DYNC1LI2: variants seen among roughly 807,000 people sequenced by gnomAD.
The protein encoded by DYNC1LI2 is cytoplasmic dynein 1 light intermediate chain 2.
In DYNC1LI2, 19 loss-of-function variants were observed where a neutral mutation model predicts 57.8. The observed-to-expected ratio is 0.33, with a 90% confidence interval of 0.23 to 0.48. The LOEUF is 0.48. Among genes scored for constraint, DYNC1LI2 ranks in the 20% least tolerant of loss-of-function variants. DYNC1LI2 has a pLI of 0.99. For missense variants in DYNC1LI2, 470 were observed against 604.2 expected (o/e 0.78, Z 2.33); for synonymous variants, 256 against 233.4 (o/e 1.10, Z -0.88).
chr16:66,736,027 C>G, intron 5 of DYNC1LI2, 48 bp downstream of exon 5: 1 of 1,584,460 alleles, frequency 6.3e-7, no homozygotes, highest in Non-Finnish European at 8.6e-7. Flanking sequence ...CAGATGGTGA[C>G]TGTTCACCAC....
intron 6 of DYNC1LI2, chr16:66,733,630 A>C (rs754022915): frequency 1.3e-5 from 2 of 152,624 alleles, no homozygotes; most frequent in Non-Finnish European, 2.9e-5. Context: ...GCTTGAACAT[A>C]GGAGGTGGAG....
rs1269697774 is a variant in DYNC1LI2, at chr16:66,725,961, A to AG, written c.1262-18dup. The stretch of plus-strand genomic sequence containing the variant: ...CTGCATTATCTAAGGAAAATTAAAG[A>AG]GAAAAAAAAGCATCATATAAACTGG... On this transcript the variant is annotated splice_polypyrimidine_tract_variant and intron_variant, in intron 11 of 12. Transcript: ENST00000258198. The AG allele has an allele frequency of 1.9e-6, 3 of 1,604,492 alleles. No homozygotes were observed. The highest frequency in any genetic ancestry group is 1.7e-6 in the Non-Finnish European group (2 of 1,177,234).
At position 66,721,528 on chromosome 16, in the gene DYNC1LI2, C is replaced by T. The variant is rs1339210312; in HGVS notation, c.*2194G>A. 6.6e-6 allele frequency: 1 copy of T among 152,552 alleles called. No individual in the cohort carries two copies. Among genetic ancestry groups the T allele is most frequent in the African/African-American group, 2.4e-5 (1 of 41,420 alleles). The allele number at this position is 152,552 out of a possible 1,614,324, so 9.4% of individuals were successfully genotyped here. On this transcript the variant is annotated 3_prime_UTR_variant, in exon 13 of 13. Transcript: ENST00000258198. ...AAAACCCCAAAATAACAAAACTCAT[C>T]TCCCTTCCTCCCACCTCCCAAAAAG...
chr16:66,750,440 A>G (rs2018023033), intron 2 of DYNC1LI2, among the ~76,000 whole-genome samples: 1 of 152,104 alleles, frequency 6.6e-6, no homozygotes, highest in African/African-American at 2.4e-5. Context: ...GCCACCAACC[A>G]CAAGGCGCTT....
intron 3 of DYNC1LI2, among the ~76,000 whole-genome samples, chr16:66,743,366 G>A (rs1015286179): frequency 2.6e-5 from 4 of 151,440 alleles, no homozygotes; most frequent in African/African-American, 4.9e-5. Flanking sequence ...GTTCAAGACC[G>A]GCCTGGCCAG....
At chr16:66,728,276 A>G (rs769932848) in intron 9 of DYNC1LI2, 34 bp from the exon 10 acceptor site, 7 of 1,613,348 alleles carry the variant, frequency 4.3e-6, no homozygotes, top group Admixed American at 3.3e-5. Flanking sequence ...CTATTAACCA[A>G]GGCCTGCAGA....
At position 66,736,059 on chromosome 16, in the gene DYNC1LI2, AC is replaced by A. The variant is rs765344228; in HGVS notation, c.699+15del. ...CCACCCGAACCCAGCCAAGCCAACA[AC>A]CCCCTGGCACACACCTTTGTGCACA... On this transcript the variant is annotated intron_variant, in intron 5 of 12. Coordinates refer to ENST00000258198, the MANE Select transcript of DYNC1LI2 (RefSeq NM_006141.3). 7 of 1,602,946 alleles carry A rather than the reference AC, an allele frequency of 4.4e-6. No individual in the cohort carries two copies. The highest frequency in any genetic ancestry group is 1.1e-5 in the South Asian group (1 of 90,694).
At chr16:66,743,589 G>A (rs1177615823) in intron 3 of DYNC1LI2, among the ~76,000 whole-genome samples, 1 of 145,696 alleles carries the variant, frequency 6.9e-6, no homozygotes, top group Non-Finnish European at 1.5e-5. Flanking sequence ...AAAAGGGTGA[G>A]AGTCTCTTAG....
chr16:66,721,325 TTC>T lies in DYNC1LI2; in HGVS notation c.*2395_*2396del, dbSNP rs1488772586. Reference sequence around the variant, plus strand: ...CAGCCACGTATTCAAAGGTGGGCTTTTCTCTGATTTTTTTTTTTATTTTAAAG... The same window carrying T: ...CAGCCACGTATTCAAAGGTGGGCTTTTCTGATTTTTTTTTTTATTTTAAAG... On this transcript the variant is annotated 3_prime_UTR_variant, in exon 13 of 13. Transcript: ENST00000258198. The T allele has an allele frequency of 6.6e-6, 1 of 152,624 alleles. No individual in the cohort carries two copies. The highest frequency in any genetic ancestry group is 2.4e-5 in the African/African-American group (1 of 41,462). The allele number at this position is 152,624 out of a possible 1,614,324, so 9.5% of individuals were successfully genotyped here.
chr16:66,733,439 G>C lies in DYNC1LI2; in HGVS notation c.793+779C>G, dbSNP rs536912348. On this transcript the variant is annotated intron_variant, in intron 6 of 12. Transcript: ENST00000258198. ...TCCAGATGGCCAGGCATGGTGGCTC[G>C]CGCCTGTAATCCCAGAACTTTGAGG... 2.0e-5 allele frequency: 3 copies of C among 151,946 alleles called. No homozygotes were observed. The East Asian group carries it at 5.8e-4, about 29-fold the overall frequency. 9.4% of individuals were successfully genotyped at this position (151,946 alleles called of 1,614,324 possible).
At chr16:66,742,348 G>C (rs1489095226) in intron 4 of DYNC1LI2, 90 bp downstream of exon 4, 11 of 1,319,626 alleles carry the variant, frequency 8.3e-6, no homozygotes, top group Non-Finnish European at 8.3e-6. Context: ...CGAAGCAAGG[G>C]AAGCCTCTAG....
intron 2 of DYNC1LI2, among the ~76,000 whole-genome samples, chr16:66,750,903 T>G (rs990607542): frequency 6.6e-6 from 1 of 152,152 alleles, no homozygotes; most frequent in African/African-American, 2.4e-5. Context: ...GCTCCCGTGG[T>G]CATTTCCCCA....
chr16:66,738,964 A>G (rs994310289), intron 4 of DYNC1LI2: 7 of 151,916 alleles, frequency 4.6e-5, no homozygotes, highest in African/African-American at 1.7e-4. Flanking sequence ...CAAATAATCT[A>G]GTCAAGTAAA....
At chr16:66,739,201 G>C (rs1314884788) in intron 4 of DYNC1LI2, 1 of 152,174 alleles carries the variant, frequency 6.6e-6, no homozygotes, top group African/African-American at 2.4e-5. Context: ...GAGCCTGGAA[G>C]GGCTCACAGG....
At chr16:66,739,797 TAA>T (rs1289427228) in intron 4 of DYNC1LI2, among the ~76,000 whole-genome samples, 1 of 152,340 alleles carries the variant, frequency 6.6e-6, no homozygotes, top group African/African-American at 2.4e-5. Context: ...AAGGCAGTAT[TAA>T]AAAGAGGAAG....
chr16:66,735,300 C>T (rs1052599775), intron 5 of DYNC1LI2, among the ~76,000 whole-genome samples: 1 of 151,718 alleles, frequency 6.6e-6, no homozygotes, highest in Non-Finnish European at 1.5e-5. Context: ...AGGGTTTCAC[C>T]ATGTCGGCCA....
chr16:66,732,524 T>G, intron 6 of DYNC1LI2, 50 bp from the exon 7 acceptor site: 1 of 1,581,798 alleles, frequency 6.3e-7, no homozygotes, highest in Non-Finnish European at 8.6e-7. Context: ...GGAGACAAAA[T>G]CGAACACATA....
intron 7 of DYNC1LI2, 137 bp downstream of exon 7, chr16:66,732,202 G>C: frequency 8.9e-7 from 1 of 1,120,978 alleles, no homozygotes; most frequent in African/African-American, 1.6e-5. Flanking sequence ...ATCCGGAAAG[G>C]AACAGAGAGA....
At chr16:66,737,679 A>G (rs1198710191) in intron 4 of DYNC1LI2, among the ~76,000 whole-genome samples, 1 of 152,180 alleles carries the variant, frequency 6.6e-6, no homozygotes, top group East Asian at 1.9e-4. Flanking sequence ...TCACTTGTGC[A>G]GTGTTCACGG....
Sources: gnomAD v4.1 joint callset for allele counts (sites outside exome capture counted in the v4.1 genomes callset) on GRCh38, gnomAD v4.1.1 for gene constraint, MANE v1.5 for transcripts, NCBI Gene and HGNC (gene_info 2026-07-23, HGNC 2026-07-21) for gene names.